Variants in DLGAP2 observed in about 807,000 individuals in gnomAD.
DLGAP2 encodes DLG associated protein 2.
In DLGAP2, 26 loss-of-function variants were observed where a neutral mutation model predicts 100.3. The observed-to-expected ratio is 0.26, with a 90% CI of 0.19 to 0.36. The LOEUF (loss-of-function observed/expected upper bound fraction) is 0.36. Among genes scored for constraint, DLGAP2 ranks in the 10% least tolerant of loss-of-function variants. The pLI is 1.00. For missense variants in DLGAP2, 1,858 were observed against 1,453.2 expected, an observed-to-expected ratio of 1.28 and a Z score of -4.53; for synonymous variants, 886 against 630.1, an observed-to-expected ratio of 1.41 and a Z score of -6.08.
At position 1,501,346 on chromosome 8, in the gene DLGAP2, C is replaced by T; in HGVS notation, c.107-20C>T. 6.5e-7 allele frequency: 1 copy of T among 1,535,834 alleles called. No homozygotes were observed. The highest frequency in any genetic ancestry group is 8.7e-7 in the Non-Finnish European group (1 of 1,146,714). ...ACACCAGAAACGCATTAAAGAGTGA[C>T]TTTGTTTCTGTCTTTGCAGAGGAAG... On this transcript the variant is annotated intron_variant, in intron 3 of 14. Transcript: ENST00000637795.
At chr8:1,116,389 A>T (rs1352995628) in intron 2 of DLGAP2, among the ~76,000 whole-genome samples, 3 of 152,210 alleles carry the variant, frequency 2.0e-5, no homozygotes, top group African/African-American at 7.2e-5. Context: ...GTTTGGATTT[A>T]AATTCTACAA....
intron 1 of DLGAP2, among the ~76,000 whole-genome samples, chr8:821,917 T>C (rs928393382): frequency 1.3e-5 from 2 of 152,218 alleles, no homozygotes; most frequent in African/African-American, 4.8e-5. Context: ...AAACAGTTGG[T>C]GGTGATTTTT....
At chr8:762,033 G>T (rs1821099852) in intron 1 of DLGAP2, among the ~76,000 whole-genome samples, 1 of 152,166 alleles carries the variant, frequency 6.6e-6, no homozygotes, top group Non-Finnish European at 1.5e-5. Flanking sequence ...ACGATGATAG[G>T]TCGCTGTGGG....
At chr8:1,609,489 G>C (rs1478624833) in intron 6 of DLGAP2, among the ~76,000 whole-genome samples, 1 of 136,068 alleles carries the variant, frequency 7.3e-6, no homozygotes, top group African/African-American at 2.6e-5. Context: ...CAACTAACGA[G>C]CAAAATCACC....
intron 2 of DLGAP2, among the ~76,000 whole-genome samples, chr8:913,358 G>A (rs1798527609): frequency 6.6e-6 from 1 of 152,336 alleles, no homozygotes; most frequent in African/African-American, 2.4e-5. Flanking sequence ...TTAATTTCAT[G>A]ATGGACAAAT....
At position 930,369 on chromosome 8, in the gene DLGAP2, A is replaced by G. The variant is rs545196110; in HGVS notation, c.73+22403A>G. Among the ~76,000 whole-genome samples the G allele has an allele frequency of 2.8e-4, 41 of 144,496 alleles. No individual in the cohort carries two copies. The South Asian group carries it at 8.3e-3, about 29-fold the overall frequency. The allele number at this position is 144,496 out of a possible 152,430, so 94.8% of individuals were successfully genotyped here. On this transcript the variant is annotated intron_variant, in intron 2 of 14. Coordinates refer to ENST00000637795, the MANE Select transcript of DLGAP2 (RefSeq NM_001346810.2). Reference sequence around the variant, plus strand: ...TTTAGGGGAAATTATTGTGTCCTACAGAGAGACAGTAACATGAACGAAGAG... The same window carrying G: ...TTTAGGGGAAATTATTGTGTCCTACGGAGAGACAGTAACATGAACGAAGAG...
At chr8:790,998 C>T (rs1255129590) in intron 1 of DLGAP2, among the ~76,000 whole-genome samples, 1 of 152,210 alleles carries the variant, frequency 6.6e-6, no homozygotes, top group Non-Finnish European at 1.5e-5. Flanking sequence ...CCGCCTCAGC[C>T]TCCCAAAGTG....
chr8:1,341,028 A>G (rs1411920117), intron 3 of DLGAP2, among the ~76,000 whole-genome samples: 1 of 152,152 alleles, frequency 6.6e-6, no homozygotes, highest in African/African-American at 2.4e-5. Flanking sequence ...TAGGAGCTAA[A>G]TGATGAGAAC....
At chr8:1,027,346 T>TGGTACCAGGTGC (rs1563152255) in intron 2 of DLGAP2, among the ~76,000 whole-genome samples, 1 of 143,582 alleles carries the variant, frequency 7.0e-6, no homozygotes, top group Non-Finnish European at 1.5e-5. Flanking sequence ...TCTCCAGGTG[T>TGGTACCAGGTGC]GGTACCAGGT....
intron 1 of DLGAP2, among the ~76,000 whole-genome samples, chr8:837,282 C>T (rs1225469175): frequency 6.6e-6 from 1 of 152,234 alleles, no homozygotes; most frequent in Non-Finnish European, 1.5e-5. Context: ...CCTGTGCAGC[C>T]TGCAGAAGAA....
At chr8:1,621,770 G>T (rs542795770) in intron 6 of DLGAP2, 3 of 151,772 alleles carry the variant, frequency 2.0e-5, no homozygotes, top group African/African-American at 7.3e-5. Context: ...TCAAGGGTAT[G>T]GCGTTTCCGA....
rs78616933 is a variant in DLGAP2 at position 1,033,117 on chromosome 8, C to A, written c.73+125151C>A. Among the ~76,000 whole-genome samples, 1,196 of 152,256 alleles carry A rather than the reference C, an allele frequency of 7.9e-3. 24 individuals are homozygous for A. The highest frequency in any genetic ancestry group is 0.028 in the African/African-American group (1,147 of 41,556). On this transcript the variant is annotated intron_variant, in intron 2 of 14. Coordinates refer to ENST00000637795, the MANE Select transcript of DLGAP2 (RefSeq NM_001346810.2). ...AAGGATGCAGAGATTCTTCCTCTCC[C>A]TCCCCCCATCCCTCTCTGTCTCAGG...
chr8:1,676,835 G>C (rs1460884449), intron 11 of DLGAP2, among the ~76,000 whole-genome samples: 1 of 152,216 alleles, frequency 6.6e-6, no homozygotes, highest in Non-Finnish European at 1.5e-5. Flanking sequence ...TCTTTCCAAA[G>C]TAATTTATCA....
intron 2 of DLGAP2, among the ~76,000 whole-genome samples, chr8:938,151 A>G (rs1007576602): frequency 6.6e-6 from 1 of 152,144 alleles, no homozygotes; most frequent in Admixed American, 6.5e-5. Flanking sequence ...GAGCCTGGGA[A>G]GGCCACAAAG....
chr8:1,327,501 A>G (rs755323995), intron 3 of DLGAP2, among the ~76,000 whole-genome samples: 3 of 152,228 alleles, frequency 2.0e-5, no homozygotes, highest in Non-Finnish European at 4.4e-5. Flanking sequence ...ATAGATCCAG[A>G]GAAGTTGAAC....
chr8:1,381,694 C>T (rs1179315008), intron 3 of DLGAP2, among the ~76,000 whole-genome samples: 1 of 152,090 alleles, frequency 6.6e-6, no homozygotes, highest in African/African-American at 2.4e-5. Context: ...TGTGCCTGGC[C>T]TATTTCACTC....
chr8:1,039,334 G>A (rs1337434583), intron 2 of DLGAP2, among the ~76,000 whole-genome samples: 19 of 145,370 alleles, frequency 1.3e-4, no homozygotes, highest in South Asian at 9.0e-4. Flanking sequence ...TCAGCTTGGT[G>A]TGCGTGGTCA....
intron 2 of DLGAP2, among the ~76,000 whole-genome samples, chr8:970,478 T>C (rs1178271875): frequency 6.6e-6 from 1 of 152,208 alleles, no homozygotes; most frequent in Non-Finnish European, 1.5e-5. Flanking sequence ...ATCATGACTT[T>C]CCCTTGCCAT....
chr8:1,051,683 G>C (rs902090907), intron 2 of DLGAP2, among the ~76,000 whole-genome samples: 1 of 152,106 alleles, frequency 6.6e-6, no homozygotes, highest in Non-Finnish European at 1.5e-5. Flanking sequence ...CCACATCACA[G>C]TTTAGACTCA....
Sources: allele counts gnomAD v4.1 joint callset (sites outside exome capture counted in the v4.1 genomes callset), GRCh38; gene constraint gnomAD v4.1.1; transcripts MANE v1.5; gene names NCBI Gene and HGNC (gene_info 2026-07-23, HGNC 2026-07-21).